CMTM7: variants seen among roughly 807,000 people sequenced by gnomAD.
CMTM7 encodes CKLF like MARVEL transmembrane domain containing 7.
In CMTM7, 7 loss-of-function variants were observed where a neutral mutation model predicts 19.3. The observed-to-expected ratio is 0.36, with a 90% confidence interval of 0.21 to 0.68. The LOEUF is 0.68. Ranked by LOEUF, CMTM7 falls within the 30% of genes least tolerant of loss-of-function variation. CMTM7 has a pLI of 0.60. For missense variants in CMTM7, 193 were observed against 232.6 expected (o/e 0.83, Z 1.11); for synonymous variants, 87 against 99.3 (o/e 0.88, Z 0.74).
chr3:32,425,435 G>A (rs925883140), intron 1 of CMTM7, among the ~76,000 whole-genome samples: 2 of 151,562 alleles, frequency 1.3e-5, no homozygotes, highest in African/African-American at 4.9e-5. Flanking sequence ...CTGTATATAG[G>A]GATTTCATTT....
chr3:32,442,141 C>A, intron 2 of CMTM7, 128 bp downstream of exon 2: 1 of 813,010 alleles, frequency 1.2e-6, no homozygotes, highest in Non-Finnish European at 1.9e-6. Context: ...TGCCTCTGCC[C>A]TGAATTTCCT....
At chr3:32,427,378 A>G (rs775369868) in intron 1 of CMTM7, among the ~76,000 whole-genome samples, 2 of 151,988 alleles carry the variant, frequency 1.3e-5, no homozygotes, top group Non-Finnish European at 2.9e-5. Flanking sequence ...GTTTCTTCTC[A>G]TGAAGGGCAT....
intron 1 of CMTM7, among the ~76,000 whole-genome samples, chr3:32,396,904 A>G (rs908188746): frequency 3.3e-5 from 5 of 152,256 alleles, no homozygotes; most frequent in Admixed American, 3.3e-4. Flanking sequence ...TTGTGGCCCT[A>G]CCAACACGTC....
At chr3:32,431,326 G>A (rs1375472329) in intron 1 of CMTM7, among the ~76,000 whole-genome samples, 1 of 152,176 alleles carries the variant, frequency 6.6e-6, no homozygotes, top group African/African-American at 2.4e-5. Context: ...AGCATTATGG[G>A]TAATTTTTGT....
intron 1 of CMTM7, among the ~76,000 whole-genome samples, chr3:32,396,479 C>G (rs750914839): frequency 6.6e-5 from 10 of 152,004 alleles, no homozygotes; most frequent in Admixed American, 3.3e-4. Flanking sequence ...TGTACTCTAA[C>G]CTGGGTGACA....
intron 1 of CMTM7, among the ~76,000 whole-genome samples, chr3:32,402,115 T>G (rs978296248): frequency 1.3e-5 from 2 of 152,196 alleles, no homozygotes; most frequent in African/African-American, 4.8e-5. Context: ...GGTTTTGGTT[T>G]TTTTGAGACG....
At chr3:32,451,813 C>T (rs112180262) in intron 3 of CMTM7, 9 of 328,368 alleles carry the variant, frequency 2.7e-5, no homozygotes, top group African/African-American at 1.8e-4. Context: ...CACACTTGAG[C>T]GCTGGATGAC....
chr3:32,401,784 T>TCGCGGCGTC (rs1191623466), intron 1 of CMTM7, among the ~76,000 whole-genome samples: 1 of 152,206 alleles, frequency 6.6e-6, no homozygotes, highest in Non-Finnish European at 1.5e-5. Flanking sequence ...CTGGCAGGGC[T>TCGCGGCGTC]CGCGGCGTCC....
At chr3:32,432,176 C>T (rs888188705) in intron 1 of CMTM7, among the ~76,000 whole-genome samples, 2 of 152,220 alleles carry the variant, frequency 1.3e-5, no homozygotes, top group African/African-American at 4.8e-5. Context: ...TTCTTTAGAT[C>T]TGTGAATTGG....
At chr3:32,446,778 C>A (rs956047877) in intron 2 of CMTM7, among the ~76,000 whole-genome samples, 8 of 152,132 alleles carry the variant, frequency 5.3e-5, no homozygotes, top group African/African-American at 1.9e-4. Context: ...CCTTCCTCCC[C>A]TCTCTCTTGC....
At chr3:32,431,392 T>C (rs1325654224) in intron 1 of CMTM7, among the ~76,000 whole-genome samples, 1 of 152,216 alleles carries the variant, frequency 6.6e-6, no homozygotes, top group Non-Finnish European at 1.5e-5. Context: ...GTATTGATTC[T>C]ATAATTGGAG....
chr3:32,452,180 C>T, intron 3 of CMTM7: 1 of 1,508,296 alleles, frequency 6.6e-7, no homozygotes, highest in Non-Finnish European at 8.8e-7. Context: ...CCTGACCTGG[C>T]CCAACCTGGA....
intron 1 of CMTM7, among the ~76,000 whole-genome samples, chr3:32,398,400 T>A (rs1695950586): frequency 6.6e-6 from 1 of 152,156 alleles, no homozygotes; most frequent in South Asian, 2.1e-4. Context: ...TGGCAAATAT[T>A]TGTTGATCAC....
intron 1 of CMTM7, among the ~76,000 whole-genome samples, chr3:32,418,249 T>C (rs1696295624): frequency 6.6e-6 from 1 of 152,264 alleles, no homozygotes; most frequent in Non-Finnish European, 1.5e-5. Context: ...TTTTTAAAAA[T>C]AGGCTTGTTG....
chr3:32,391,931 C>G lies in CMTM7; in HGVS notation c.25C>G (p.Arg9Gly), dbSNP rs901824399. Reference protein sequence around the residue: MSHGAGLVRTTCSSGSALG... With the variant: MSHGAGLVGTTCSSGSALG... ...AATGTCGCACGGAGCCGGGCTCGTC[C>G]GCACCACGTGCAGCAGCGGCAGCGC... Residue 9 changes from arginine to glycine, a missense_variant, in exon 1 of 5, where the codon CGC becomes GGC. By Grantham distance (125) the Arg-to-Gly change is moderately radical (BLOSUM62 -2). Transcript: ENST00000334983. The G allele has an allele frequency of 3.3e-6, 4 of 1,227,642 alleles. No homozygotes were observed. The African/African-American group carries it at 4.7e-5, about 14-fold the overall frequency. The allele number at this position is 1,227,642 out of a possible 1,614,324, so 76.0% of individuals were successfully genotyped here.
chr3:32,398,699 C>T (rs569086865), intron 1 of CMTM7, among the ~76,000 whole-genome samples: 35 of 151,690 alleles, frequency 2.3e-4, no homozygotes, highest in African/African-American at 8.2e-4. Flanking sequence ...GAAGAAAGAG[C>T]GTTGGCCGGC....
intron 1 of CMTM7, among the ~76,000 whole-genome samples, chr3:32,401,125 A>G (rs1371794693): frequency 6.6e-6 from 1 of 152,242 alleles, no homozygotes; most frequent in African/African-American, 2.4e-5. Context: ...GAAAAGGAAC[A>G]GTGACAGACA....
At chr3:32,453,637 T>C (rs919705700) in intron 4 of CMTM7, among the ~76,000 whole-genome samples, 6 of 152,156 alleles carry the variant, frequency 3.9e-5, no homozygotes, top group African/African-American at 1.4e-4. Flanking sequence ...GGCAGATTCA[T>C]AGAGACACAA....
intron 1 of CMTM7, among the ~76,000 whole-genome samples, chr3:32,394,821 G>A (rs994611194): frequency 7.9e-5 from 12 of 151,958 alleles, no homozygotes; most frequent in African/African-American, 2.7e-4. Context: ...TCAGCCTCAC[G>A]AGTAGCTGGG....
Sources: gnomAD v4.1 joint callset for allele counts (sites outside exome capture counted in the v4.1 genomes callset) on GRCh38, gnomAD v4.1.1 for gene constraint, MANE v1.5 for transcripts, NCBI Gene and HGNC (gene_info 2026-07-23, HGNC 2026-07-21) for gene names.